LVRN: variants seen among roughly 807,000 people sequenced by gnomAD.
LVRN encodes laeverin.
Under a neutral mutation model 111.4 loss-of-function variants are expected in LVRN, and 99 were observed. That is an observed-to-expected ratio of 0.89 (90% CI 0.76 to 1.05). The LOEUF (loss-of-function observed/expected upper bound fraction) is 1.05, where lower values mean the gene tolerates loss of function less well. Among genes scored for constraint, LVRN ranks in the 50% least tolerant of loss-of-function variants. The probability of loss-of-function intolerance (pLI) is 0.00; values close to 1 mark genes in which losing one functional copy is unlikely to be tolerated. For synonymous variants in LVRN, 488 were observed against 449.5 expected, an observed-to-expected ratio of 1.09 and a Z score of -1.08; for missense variants, 1,414 against 1,206.8, an observed-to-expected ratio of 1.17 and a Z score of -2.54.
In LVRN at chr5:116,009,997, T is replaced by C. The variant is rs73263175; in HGVS notation, c.2094-744T>C. Among the ~76,000 whole-genome samples, 344 of 152,328 alleles carry C rather than the reference T, an allele frequency of 2.3e-3. 3 individuals are homozygous for C. Among genetic ancestry groups the C allele is most frequent in the African/African-American group, 7.1e-3 (297 of 41,568 alleles). ...CAGCATCGCATACTACAGAAAAATC[T>C]TTTGTGAAAGGAAATTGAGCAATTT... On this transcript the variant is annotated intron_variant, in intron 13 of 19. Coordinates refer to ENST00000357872, the MANE Select transcript of LVRN (RefSeq NM_173800.5).
intron 3 of LVRN, among the ~76,000 whole-genome samples, chr5:115,987,003 T>C (rs1163331120): frequency 6.6e-6 from 1 of 152,176 alleles, no homozygotes; most frequent in Admixed American, 6.5e-5. Flanking sequence ...TCTTTAACAT[T>C]AATGCTGGCA....
At chr5:115,978,771 G>T (rs1753502478) in intron 1 of LVRN, among the ~76,000 whole-genome samples, 1 of 151,890 alleles carries the variant, frequency 6.6e-6, no homozygotes, top group South Asian at 2.1e-4. Context: ...ACTCTTCTTT[G>T]CCTATCTTGA....
intron 19 of LVRN, among the ~76,000 whole-genome samples, chr5:116,022,930 C>T (rs1009880613): frequency 4.6e-5 from 7 of 152,206 alleles, no homozygotes; most frequent in Non-Finnish European, 1.0e-4. Flanking sequence ...GACGGACAGA[C>T]ACCCCTAAAC....
chr5:115,962,928 C>A lies in LVRN; in HGVS notation c.311C>A (p.Pro104Gln). ...CTACGCCTGCCGCCCTGGCTCGTGCCGCTGCACTACGATCTGGAGCTGTGG... is the reference window on the plus strand; with the variant it reads ...CTACGCCTGCCGCCCTGGCTCGTGCAGCTGCACTACGATCTGGAGCTGTGG... ...DQLRLPPWLV[P>Q]LHYDLELWPQ... The change falls in exon 1 of 20, where the codon CCG becomes CAG. Residue 104 changes from proline to glutamine, a missense_variant. Transcript: ENST00000357872. The A allele has an allele frequency of 3.7e-6, 6 of 1,612,960 alleles. No homozygotes were observed. The highest frequency in any genetic ancestry group is 5.1e-6 in the Non-Finnish European group (6 of 1,179,752).
intron 1 of LVRN, among the ~76,000 whole-genome samples, chr5:115,976,443 G>A (rs375006233): frequency 6.6e-6 from 1 of 151,966 alleles, no homozygotes; most frequent in African/African-American, 2.4e-5. Flanking sequence ...TTATTTCACC[G>A]ATTTATATTT....
chr5:115,999,273 G>C (rs575003361), intron 6 of LVRN, among the ~76,000 whole-genome samples: 1 of 152,144 alleles, frequency 6.6e-6, no homozygotes, highest in East Asian at 1.9e-4. Context: ...GCCATAAACT[G>C]TAATATCCAT....
rs766329533 is a variant in LVRN at position 116,010,874 on chromosome 5, G to T, written c.2227G>T (p.Asp743Tyr). ...RDLVSEVNIY[D>Y]IYSLLKRYLL... ...TCTTGTTTCTGAGGTGAACATCTAT[G>T]ATATATACTCATTATTAAAGGTAAT... The change falls in exon 14 of 20, where the codon GAT (aspartate) becomes TAT (tyrosine). Residue 743 changes from aspartate (D) to tyrosine (Y), a missense_variant. Coordinates refer to ENST00000357872, the MANE Select transcript of LVRN (RefSeq NM_173800.5). 6.9e-6 allele frequency: 11 copies of T among 1,594,412 alleles called. No homozygotes were observed. In the East Asian group the frequency reaches 1.6e-4, roughly 23 times the overall value.
intron 4 of LVRN, among the ~76,000 whole-genome samples, chr5:115,991,862 C>T (rs1580386025): frequency 1.3e-5 from 2 of 152,074 alleles, no homozygotes; most frequent in East Asian, 3.9e-4. Flanking sequence ...TTGTCTGTTT[C>T]TTTACTGCTA....
At position 115,962,698 on chromosome 5, in the gene LVRN, G is replaced by A. The variant is rs1380024079; in HGVS notation, c.81G>A (p.Leu27=). The A allele has an allele frequency of 6.2e-7, 1 of 1,610,752 alleles. No homozygotes were observed. Among genetic ancestry groups the A allele is most frequent in the South Asian group, 1.1e-5 (1 of 90,978 alleles). ...LLLAGLVAAL[L]LALAVLAALY... Reference sequence around the variant, plus strand: ...TGGCTGGGCTGGTAGCCGCCCTCCTGCTGGCGCTGGCCGTACTCGCCGCCT... The same window carrying A: ...TGGCTGGGCTGGTAGCCGCCCTCCTACTGGCGCTGGCCGTACTCGCCGCCT... The change falls in exon 1 of 20, where the codon CTG becomes CTA. Residue 27 remains leucine, a synonymous_variant. Transcript: ENST00000357872.
At position 116,026,093 on chromosome 5, in the gene LVRN, C is replaced by T. The variant is rs1330112564; in HGVS notation, c.2948C>T (p.Ala983Val). The T allele has an allele frequency of 1.2e-6, 2 of 1,613,814 alleles. No individual in the cohort carries two copies. Among genetic ancestry groups the T allele is most frequent in the Admixed American group, 3.3e-5 (2 of 60,006 alleles). ...AACAAGAAGCTAAGTGCCAGGATAG[C>T]TGCGTGGCTAAGGAGAAACACATAG... ...LKNKKLSARI[A>V]AWLRRNT Residue 983 changes from alanine to valine, a missense_variant, in exon 20 of 20, where the codon GCT (alanine) becomes GTT (valine). Ala to Val is a moderately conservative substitution (Grantham distance 64). Transcript: ENST00000357872.
At chr5:115,982,370 G>A (rs1014436552) in intron 1 of LVRN, among the ~76,000 whole-genome samples, 3 of 152,110 alleles carry the variant, frequency 2.0e-5, no homozygotes, top group Non-Finnish European at 4.4e-5. Flanking sequence ...TCCAAGAATT[G>A]GGCCTGATGC....
At chr5:115,993,879 T>G in intron 6 of LVRN, 25 bp downstream of exon 6, 1 of 1,404,330 alleles carries the variant, frequency 7.1e-7, no homozygotes, top group South Asian at 1.4e-5. Context: ...TAAGTTTATT[T>G]AACATTTTTC....
chr5:116,012,098 G>A (rs1359187587), intron 14 of LVRN, among the ~76,000 whole-genome samples: 3 of 152,042 alleles, frequency 2.0e-5, no homozygotes, highest in Admixed American at 2.0e-4. Context: ...CTTGCTTTGT[G>A]CCAGGCAATG....
At position 115,981,379 on chromosome 5, in the gene LVRN, C is replaced by T. The variant is rs143333716; in HGVS notation, c.696-1908C>T. On this transcript the variant is annotated intron_variant, in intron 1 of 19. Transcript: ENST00000357872. ...TCTAGCAGTTTCAAATTTACCAGGGCGACGAATATGACTCATGTTTAATCT... is the reference window on the plus strand; with the variant it reads ...TCTAGCAGTTTCAAATTTACCAGGGTGACGAATATGACTCATGTTTAATCT... 1.3e-3 allele frequency among the ~76,000 whole-genome samples: 196 copies of T among 152,154 alleles called. 1 individual carries two copies. Among genetic ancestry groups the T allele is most frequent in the Middle Eastern group, 6.8e-3 (2 of 294 alleles).
At chr5:116,009,124 C>T (rs1176382128) in intron 13 of LVRN, among the ~76,000 whole-genome samples, 1 of 152,160 alleles carries the variant, frequency 6.6e-6, no homozygotes, top group East Asian at 1.9e-4. Flanking sequence ...TTCTGTAAAT[C>T]CTAGGGTCCT....
At chr5:115,981,798 C>A (rs1051761501) in intron 1 of LVRN, among the ~76,000 whole-genome samples, 4 of 152,136 alleles carry the variant, frequency 2.6e-5, no homozygotes, top group African/African-American at 9.7e-5. Context: ...TGTAACTTAT[C>A]CCTCTTTGAG....
chr5:115,993,848 C>T lies in LVRN; in HGVS notation c.1368C>T (p.Leu456=), dbSNP rs746426115. ...FEVINYFNPK[L]PRNEIFFSNI... ...TAATTAACTACTTTAATCCTAAACTCCCAAGAGTAAGTATGTTTACTAAGT... is the reference window on the plus strand; with the variant it reads ...TAATTAACTACTTTAATCCTAAACTTCCAAGAGTAAGTATGTTTACTAAGT... Residue 456 remains leucine, a synonymous_variant, in exon 6 of 20, where the codon CTC becomes CTT. Transcript: ENST00000357872. 2.4e-5 allele frequency: 37 copies of T among 1,569,888 alleles called. No homozygotes were observed. The highest frequency in any genetic ancestry group is 3.2e-5 in the Non-Finnish European group (37 of 1,150,200).
rs577760316 is a variant in LVRN, at chr5:116,022,301, C to A, written c.2757-90C>A. On this transcript the variant is annotated intron_variant, in intron 18 of 19. Transcript: ENST00000357872. ...TTTGTGACATAGGAATTAATAGGGG[C>A]CATACACTTGACCTTCATCTGCTAT... 20 of 805,812 alleles carry A rather than the reference C, an allele frequency of 2.5e-5. No homozygotes were observed. The East Asian group carries it at 4.3e-4, about 17-fold the overall frequency. 49.9% of individuals were successfully genotyped at this position (805,812 alleles called of 1,614,324 possible). A position where few individuals can be genotyped will look rare whatever the true frequency, so the allele number is the denominator to read the frequency against.
At chr5:115,988,080 GCCTTATA>G in intron 4 of LVRN, 141 bp downstream of exon 4, 1 of 1,133,710 alleles carries the variant, frequency 8.8e-7, no homozygotes, top group Non-Finnish European at 1.2e-6. Context: ...CCTGACCTAT[GCCTTATA>G]CCTTCTGAAA....
Sources: allele counts gnomAD v4.1 joint callset (sites outside exome capture counted in the v4.1 genomes callset), GRCh38; gene constraint gnomAD v4.1.1; transcripts MANE v1.5; gene names NCBI Gene and HGNC (gene_info 2026-07-23, HGNC 2026-07-21).